MPP7: variants seen among roughly 807,000 people sequenced by gnomAD.
MPP7 encodes MAGUK p55 scaffold protein 7.
In MPP7, 60 loss-of-function variants were observed where a neutral mutation model predicts 76.5. The ratio of observed to expected loss-of-function variants is 0.78; its 90% CI spans 0.64 to 0.97. The LOEUF is 0.97. Among genes scored for constraint, MPP7 ranks in the 50% least tolerant of loss-of-function variants. The probability of loss-of-function intolerance (pLI) is 0.00; values close to 1 mark genes in which losing one functional copy is unlikely to be tolerated. For synonymous variants in MPP7, 237 were observed against 244.5 expected, an observed-to-expected ratio of 0.97 and a Z score of 0.29; for missense variants, 641 against 694.0, an observed-to-expected ratio of 0.92 and a Z score of 0.86.
intron 2 of MPP7, among the ~76,000 whole-genome samples, chr10:28,310,620 T>C (rs1841284598): frequency 6.6e-6 from 1 of 152,224 alleles, no homozygotes; most frequent in African/African-American, 2.4e-5. Context: ...TGCAACAGTA[T>C]TAAAATTACC....
At chr10:28,249,793 C>T (rs558218601) in intron 1 of MPP7, among the ~76,000 whole-genome samples, 3 of 152,138 alleles carry the variant, frequency 2.0e-5, no homozygotes, top group African/African-American at 4.8e-5. Context: ...GAGCCTGCAC[C>T]TTCCCCTGGT....
At chr10:28,221,174 T>C (rs1371283090) in intron 2 of MPP7, among the ~76,000 whole-genome samples, 3 of 152,200 alleles carry the variant, frequency 2.0e-5, no homozygotes, top group African/African-American at 7.2e-5. Context: ...CCGTGAATTT[T>C]AGAAAAATAA....
intron 1 of MPP7, chr10:28,334,354 C>T (rs1378217159): frequency 3.3e-5 from 5 of 152,136 alleles, no homozygotes; most frequent in South Asian, 2.1e-4. Context: ...ATAAGAATAA[C>T]GTGATCTGGA....
At chr10:28,303,807 G>T (rs1841221979), upstream of MPP7, among the ~76,000 whole-genome samples, 1 of 152,132 alleles carries the variant, frequency 6.6e-6, no homozygotes, top group Non-Finnish European at 1.5e-5. Context: ...GAAAAAACAT[G>T]AACTGGTATC....
intron 2 of MPP7, among the ~76,000 whole-genome samples, chr10:28,326,962 A>G (rs1255799980): frequency 6.6e-6 from 1 of 152,206 alleles, no homozygotes; most frequent in Non-Finnish European, 1.5e-5. Context: ...AGCCATGACA[A>G]TGAACGGTAT....
chr10:28,268,352 G>A lies in MPP7; in HGVS notation c.-131-29617C>T, dbSNP rs536697686. On this transcript the variant is annotated intron_variant, in intron 1 of 16. Coordinates refer to ENST00000683449, the MANE Select transcript of MPP7 (RefSeq NM_001318170.2). Reference sequence around the variant, plus strand: ...AAATTTTGATAAAGAAGGAACTGTAGGCAAAGGTTACATCATAGAGTACGT... The same window carrying A: ...AAATTTTGATAAAGAAGGAACTGTAAGCAAAGGTTACATCATAGAGTACGT... Among the ~76,000 whole-genome samples the A allele has an allele frequency of 3.3e-5, 5 of 152,280 alleles. No homozygotes were observed. In the South Asian group the frequency reaches 1.0e-3, roughly 32 times the overall value.
intron 3 of MPP7, among the ~76,000 whole-genome samples, chr10:28,193,822 T>C (rs201351871): frequency 6.6e-6 from 1 of 151,574 alleles, no homozygotes; most frequent in African/African-American, 2.4e-5. Context: ...TAACCTACCA[T>C]GTGCAAATTG....
intron 1 of MPP7, among the ~76,000 whole-genome samples, chr10:28,297,501 C>T (rs771054596): frequency 1.3e-5 from 2 of 152,252 alleles, no homozygotes; most frequent in Non-Finnish European, 1.5e-5. Context: ...GAGTTCAAGA[C>T]CAGCCTGGTC....
chr10:28,172,773 G>A (rs1358940105), intron 3 of MPP7, among the ~76,000 whole-genome samples: 1 of 152,146 alleles, frequency 6.6e-6, no homozygotes, highest in Non-Finnish European at 1.5e-5. Flanking sequence ...AGTCAGACAA[G>A]CAATAAATTA....
In MPP7 at chr10:28,120,298, A is replaced by C; in HGVS notation, c.783T>G (p.Ile261Met). The C allele has an allele frequency of 6.2e-7, 1 of 1,614,046 alleles. No individual in the cohort carries two copies. The highest frequency in any genetic ancestry group is 8.5e-7 in the Non-Finnish European group (1 of 1,179,966). Residue 261 changes from isoleucine to methionine, a missense_variant, in exon 10 of 17, where the codon ATT becomes ATG. Ile to Met is a conservative substitution (Grantham distance 10, BLOSUM62 1). Transcript: ENST00000683449. ...CATCATCTTGGCTCATAATCTGAAG[A>C]ATATCTCCCTTTTTGAAAGAAAGCC... The part of the protein sequence containing the change: ...EAGLSFKKGD[I>M]LQIMSQDDAT...
chr10:28,156,727 A>T (rs1012266139), intron 3 of MPP7, among the ~76,000 whole-genome samples: 1 of 152,156 alleles, frequency 6.6e-6, no homozygotes, highest in East Asian at 1.9e-4. Flanking sequence ...GGTTTCCTGG[A>T]GGAATGAGGG....
In MPP7 at chr10:28,175,430, G is replaced by A. The variant is rs554533112; in HGVS notation, c.157-25371C>T. Reference sequence around the variant, plus strand: ...GGGGGAGAGGAGGGTACATTTTGGGGTTCTGCAGGAATTTTTTTAAAATGC... The same window carrying A: ...GGGGGAGAGGAGGGTACATTTTGGGATTCTGCAGGAATTTTTTTAAAATGC... On this transcript the variant is annotated intron_variant, in intron 3 of 16. Coordinates refer to ENST00000683449, the MANE Select transcript of MPP7 (RefSeq NM_001318170.2). Among the ~76,000 whole-genome samples the A allele has an allele frequency of 5.1e-3, 603 of 117,276 alleles. 4 individuals carry two copies. The highest frequency in any genetic ancestry group is 0.019 in the African/African-American group (577 of 30,918). 76.9% of individuals were successfully genotyped at this position (117,276 alleles called of 152,430 possible).
At chr10:28,322,829 G>A (rs998224677) in intron 2 of MPP7, among the ~76,000 whole-genome samples, 2 of 152,136 alleles carry the variant, frequency 1.3e-5, no homozygotes, top group South Asian at 2.1e-4. Flanking sequence ...TGAGATTGGG[G>A]TTGCTCAGTT....
In MPP7 at chr10:28,053,507, T is replaced by G. The variant is rs1028193460; in HGVS notation, c.*558A>C. ...AAAATTTCAGTTACTCCTTTAAGAA[T>G]TATTTTAAAATGCACACACTGTGAA... On this transcript the variant is annotated 3_prime_UTR_variant, in exon 17 of 17. Transcript: ENST00000683449. 6.6e-6 allele frequency: 1 copy of G among 152,254 alleles called. No individual in the cohort carries two copies. The highest frequency in any genetic ancestry group is 1.5e-5 in the Non-Finnish European group (1 of 68,074). The allele number at this position is 152,254 out of a possible 1,614,324, so 9.4% of individuals were successfully genotyped here. A position where few individuals can be genotyped will look rare whatever the true frequency, so the allele number is the denominator to read the frequency against.
chr10:28,150,366 T>C (rs904462864), intron 3 of MPP7, among the ~76,000 whole-genome samples: 15 of 152,222 alleles, frequency 9.9e-5, no homozygotes, highest in Non-Finnish European at 2.1e-4. Context: ...AATAAGCATG[T>C]TAAGTTTTGT....
chr10:28,265,926 T>G (rs1840136446), intron 1 of MPP7, among the ~76,000 whole-genome samples: 1 of 152,174 alleles, frequency 6.6e-6, no homozygotes, highest in Non-Finnish European at 1.5e-5. Flanking sequence ...GCTAAGGGAT[T>G]TACAAGACTC....
chr10:28,279,464 C>T (rs975021227), intron 1 of MPP7, among the ~76,000 whole-genome samples: 1 of 152,014 alleles, frequency 6.6e-6, no homozygotes, highest in Non-Finnish European at 1.5e-5. Context: ...CGCAGTGGCT[C>T]ATGCCTGTAA....
intron 3 of MPP7, among the ~76,000 whole-genome samples, chr10:28,185,516 TGCAGACA>T (rs1002211582): frequency 7.2e-5 from 11 of 152,228 alleles, no homozygotes; most frequent in African/African-American, 2.6e-4. Context: ...GAAAACAGGA[TGCAGACA>T]GCAAAAGGTC....
At chr10:28,231,829 ACT>A (rs1474018509) in intron 2 of MPP7, among the ~76,000 whole-genome samples, 1 of 152,148 alleles carries the variant, frequency 6.6e-6, no homozygotes, top group African/African-American at 2.4e-5. Flanking sequence ...TCTTTCACAG[ACT>A]CTTCCACAGA....
Sources: allele counts gnomAD v4.1 joint callset (sites outside exome capture counted in the v4.1 genomes callset), GRCh38; gene constraint gnomAD v4.1.1; transcripts MANE v1.5; gene names NCBI Gene and HGNC (gene_info 2026-07-23, HGNC 2026-07-21).